The following EFCAB6 variants were observed in gnomAD, a reference collection of about 807,000 sequenced individuals.
The protein encoded by EFCAB6 is EF-hand calcium binding domain 6.
In EFCAB6, 156 loss-of-function variants were observed where a neutral mutation model predicts 169.8. The observed-to-expected ratio is 0.92, with a 90% CI of 0.81 to 1.05. The LOEUF (loss-of-function observed/expected upper bound fraction) is 1.05. Among genes scored for constraint, EFCAB6 ranks in the 50% least tolerant of loss-of-function variants. The pLI is 0.00. For synonymous variants in EFCAB6, 698 were observed against 676.4 expected, an observed-to-expected ratio of 1.03 and a Z score of -0.50; for missense variants, 1,800 against 1,829.1, an observed-to-expected ratio of 0.98 and a Z score of 0.29.
chr22:43,629,080 G>A (rs1346375189), intron 19 of EFCAB6, among the ~76,000 whole-genome samples: 1 of 152,204 alleles, frequency 6.6e-6, no homozygotes, highest in Non-Finnish European at 1.5e-5. Context: ...AAGCAAGACA[G>A]GAAGCAAATC....
intron 24 of EFCAB6, among the ~76,000 whole-genome samples, chr22:43,582,741 C>T (rs916356802): frequency 6.6e-6 from 1 of 151,694 alleles, no homozygotes; most frequent in Non-Finnish European, 1.5e-5. Flanking sequence ...GATACAGATG[C>T]CAGGGGAAAA....
intron 31 of EFCAB6, 102 bp from the exon 32 acceptor site, chr22:43,529,077 A>G: frequency 7.5e-7 from 1 of 1,326,664 alleles, no homozygotes; most frequent in South Asian, 1.7e-5. Context: ...CCTGATCCCC[A>G]ACCCCACTTC....
At chr22:43,642,490 C>G (rs12157758) in intron 17 of EFCAB6, among the ~76,000 whole-genome samples, 17 of 152,260 alleles carry the variant, frequency 1.1e-4, no homozygotes, top group African/African-American at 3.6e-4. Flanking sequence ...GCTCCTCCCC[C>G]ACCTATACAC....
At chr22:43,776,496 G>A (rs1055911004) in intron 3 of EFCAB6, among the ~76,000 whole-genome samples, 5 of 152,234 alleles carry the variant, frequency 3.3e-5, no homozygotes, top group Non-Finnish European at 7.3e-5. Flanking sequence ...ATGAGGCAGA[G>A]TGCAGCTGGG....
chr22:43,600,007 C>T, intron 23 of EFCAB6, 62 bp downstream of exon 23: 1 of 1,515,210 alleles, frequency 6.6e-7, no homozygotes, highest in Non-Finnish European at 8.9e-7. Flanking sequence ...ATAACTTGTG[C>T]TGTGAGGCCA....
At chr22:43,777,471 G>C (rs902992755) in intron 3 of EFCAB6, among the ~76,000 whole-genome samples, 9 of 152,184 alleles carry the variant, frequency 5.9e-5, no homozygotes, top group Non-Finnish European at 1.3e-4. Flanking sequence ...AGAGTTCCAA[G>C]AACACTCAGT....
rs141205918 is a variant in EFCAB6 at position 43,577,834 on chromosome 22, G to A, written c.3229-1346C>T. On this transcript the variant is annotated intron_variant, in intron 25 of 31. Coordinates refer to ENST00000262726, the MANE Select transcript of EFCAB6 (RefSeq NM_022785.4). ...ATCCCTCACACCGCACCGGGACTCC[G>A]GAGCCCACCTTGCTTCCCTACACCA... Among the ~76,000 whole-genome samples the A allele has an allele frequency of 7.1e-4, 107 of 150,988 alleles. No individual in the cohort carries two copies. In the East Asian group the frequency reaches 0.019, roughly 26 times the overall value.
chr22:43,557,006 G>A (rs1474590401), intron 26 of EFCAB6, among the ~76,000 whole-genome samples: 2 of 152,198 alleles, frequency 1.3e-5, no homozygotes, highest in Non-Finnish European at 2.9e-5. Flanking sequence ...CCTGGACATA[G>A]AGCCATACCT....
At position 43,742,679 on chromosome 22, in the gene EFCAB6, C is replaced by T. The variant is rs1333875287; in HGVS notation, c.508-6686G>A. Among the ~76,000 whole-genome samples the T allele has an allele frequency of 3.3e-5, 5 of 152,256 alleles. No individual in the cohort carries two copies. The East Asian group carries it at 5.8e-4, about 18-fold the overall frequency. ...CTGGTCCCAGCCCCACTCTGCGCAG[C>T]CCCCGCTGAGCCTGGCGCTGATTCC... is the stretch of plus-strand genomic sequence containing the variant. On this transcript the variant is annotated intron_variant, in intron 6 of 31. Transcript: ENST00000262726.
At chr22:43,776,420 T>C (rs1259283546) in intron 3 of EFCAB6, among the ~76,000 whole-genome samples, 1 of 151,888 alleles carries the variant, frequency 6.6e-6, no homozygotes, top group African/African-American at 2.4e-5. Context: ...AGCCAATAAA[T>C]AAATAAACAA....
intron 15 of EFCAB6, among the ~76,000 whole-genome samples, chr22:43,669,933 A>T (rs1250335632): frequency 6.6e-6 from 1 of 152,186 alleles, no homozygotes; most frequent in Non-Finnish European, 1.5e-5. Flanking sequence ...CATCAGAGGC[A>T]ACATGTGTGA....
In EFCAB6 at chr22:43,628,990, A is replaced by T. The variant is rs1262753647; in HGVS notation, c.2233-2311T>A. On this transcript the variant is annotated intron_variant, in intron 19 of 31. Transcript: ENST00000262726. This position sits in a 1 kb window ranked among gnomAD's most constrained non-coding sequence, Gnocchi z 4.8. Reference sequence around the variant, plus strand: ...GAAGGAGCAGCATTTCCTAGGCACAAAGCACTCTGCTGGGTACACAGACAC... The same window carrying T: ...GAAGGAGCAGCATTTCCTAGGCACATAGCACTCTGCTGGGTACACAGACAC... 6.6e-6 allele frequency among the ~76,000 whole-genome samples: 1 copy of T among 152,158 alleles called. No homozygotes were observed. Among genetic ancestry groups the T allele is most frequent in the Non-Finnish European group, 1.5e-5 (1 of 68,018 alleles).
At chr22:43,775,286 A>G (rs1376346981) in intron 3 of EFCAB6, among the ~76,000 whole-genome samples, 1 of 152,078 alleles carries the variant, frequency 6.6e-6, no homozygotes, top group African/African-American at 2.4e-5. Flanking sequence ...TCCCAACACA[A>G]TATCATGTTA....
intron 26 of EFCAB6, among the ~76,000 whole-genome samples, chr22:43,564,925 G>T (rs1218259400): frequency 6.6e-6 from 1 of 152,220 alleles, no homozygotes; most frequent in East Asian, 1.9e-4. Flanking sequence ...TGGAGAGGCA[G>T]CAGTGCACGT....
At chr22:43,781,985 C>T (rs1454633138) in intron 3 of EFCAB6, among the ~76,000 whole-genome samples, 195 bp downstream of exon 3, 11 of 152,162 alleles carry the variant, frequency 7.2e-5, no homozygotes. Context: ...AACCTTGTAA[C>T]TTTTAGGCAA....
intron 18 of EFCAB6, 55 bp downstream of exon 18, chr22:43,635,047 C>T: frequency 6.9e-7 from 1 of 1,448,216 alleles, no homozygotes; most frequent in Non-Finnish European, 9.7e-7. Context: ...CTAGCAAAGA[C>T]ATGCAGTGTC....
chr22:43,602,292 G>A (rs555081147), intron 22 of EFCAB6, among the ~76,000 whole-genome samples: 1 of 152,296 alleles, frequency 6.6e-6, no homozygotes, highest in African/African-American at 2.4e-5. Context: ...AGTGAATTTT[G>A]TTCTTAAAAC....
intron 2 of EFCAB6, among the ~76,000 whole-genome samples, chr22:43,804,006 C>T (rs1203464687): frequency 1.3e-5 from 2 of 152,282 alleles, no homozygotes; most frequent in East Asian, 3.9e-4. Context: ...ACCACTGTAT[C>T]CAGCTAGAAT....
At position 43,576,379 on chromosome 22, in the gene EFCAB6, A is replaced by C. The variant is rs1569184487; in HGVS notation, c.3338T>G (p.Phe1113Cys). 3 of 1,602,130 alleles carry C rather than the reference A, an allele frequency of 1.9e-6. No individual in the cohort carries two copies. In the South Asian group the frequency reaches 3.4e-5, roughly 18 times the overall value. Residue 1113 changes from phenylalanine to cysteine, a missense_variant, in exon 26 of 32, where the codon TTT becomes TGT. Physicochemically the swap from Phe to Cys is radical, Grantham distance 205. Transcript: ENST00000262726. ...YKLTDNQYHY[F>C]LRKLRIHLTP... ...TAGATGAATTCTTAGTTTCCTCAAA[A>C]AATAATGATACTGATTGTCCGTTAG...
Sources: allele counts gnomAD v4.1 joint callset (sites outside exome capture counted in the v4.1 genomes callset), GRCh38; gene constraint gnomAD v4.1.1; non-coding constraint Gnocchi (gnomAD v3.1); transcripts MANE v1.5; gene names NCBI Gene and HGNC (gene_info 2026-07-23, HGNC 2026-07-21).